The following PTPRH variants were observed in gnomAD, a reference collection of about 807,000 sequenced individuals.
PTPRH encodes protein tyrosine phosphatase receptor type H, also known as receptor-type tyrosine-protein phosphatase H.
PTPRH carries 113 observed loss-of-function variants against 130.2 expected under a neutral mutation model. The ratio of observed to expected loss-of-function variants is 0.87; its 90% CI spans 0.75 to 1.01. The LOEUF is 1.01. Ranked by LOEUF, PTPRH falls within the 50% of genes least tolerant of loss-of-function variation. PTPRH has a pLI of 0.00. For missense variants in PTPRH, 1,430 were observed against 1,425.0 expected (o/e 1.00, Z -0.06); for synonymous variants, 556 against 577.9 (o/e 0.96, Z 0.54).
Position 55,206,932 on chromosome 19 carries a change from T to A in PTPRH, c.109A>T (p.Thr37Ser). 1 of 1,604,280 alleles carries A rather than the reference T, an allele frequency of 6.2e-7. No homozygotes were observed. Among genetic ancestry groups the A allele is most frequent in the Non-Finnish European group, 8.5e-7 (1 of 1,173,574 alleles). Residue 37 changes from threonine (T) to serine (S), a missense_variant, in exon 3 of 20, where the codon ACA becomes TCA. Transcript: ENST00000376350. ...APAPNPGRNLTVETQTTSSIS... is the reference protein window; with the variant it reads ...APAPNPGRNLSVETQTTSSIS... ...GAGCTGGTGGTCTGAGTCTCCACTG[T>A]CAGGTTCCTCCCTGGGTTGGGGGCT...
intron 6 of PTPRH, 44 bp downstream of exon 6, chr19:55,202,012 C>A (rs769823239): frequency 1.2e-6 from 2 of 1,606,652 alleles, no homozygotes; most frequent in Admixed American, 3.4e-5. Context: ...GCTTACTGTC[C>A]CTTAAACAAA....
chr19:55,181,770 T>C lies in PTPRH; in HGVS notation c.3332A>G (p.His1111Arg). The change falls in exon 20 of 20, where the codon CAC (histidine) becomes CGC (arginine). Residue 1111 changes from histidine to arginine, a missense_variant. Coordinates refer to ENST00000376350, the MANE Select transcript of PTPRH (RefSeq NM_002842.5). ...IYENVAAIQA[H>R]KLEV Reference sequence around the variant, plus strand: ...CCTCGTCACTTAGACCTCCAACTTGTGGGCCTGGATGGCGGCCACGTTCTC... The same window carrying C: ...CCTCGTCACTTAGACCTCCAACTTGCGGGCCTGGATGGCGGCCACGTTCTC... 6.2e-7 allele frequency: 1 copy of C among 1,614,130 alleles called. No individual in the cohort carries two copies. The highest frequency in any genetic ancestry group is 8.5e-7 in the Non-Finnish European group (1 of 1,180,024).
At chr19:55,207,094 C>A (rs965932186) in intron 2 of PTPRH, 72 bp downstream of exon 2, 28 of 1,594,740 alleles carry the variant, frequency 1.8e-5, no homozygotes, top group Non-Finnish European at 2.4e-5. Flanking sequence ...CCACGGGGAC[C>A]CCCCAGAGGC....
chr19:55,181,961 C>T lies in PTPRH; in HGVS notation c.3198+55G>A. The stretch of plus-strand genomic sequence containing the variant: ...CCCCAGGTCTGAGCTGCGTGGAGCC[C>T]CAGGGTCCCTCGTCCCACTGCCTCC... On this transcript the variant is annotated intron_variant, in intron 19 of 19. Transcript: ENST00000376350. 6 of 1,613,556 alleles carry T rather than the reference C, an allele frequency of 3.7e-6. No individual in the cohort carries two copies. In the South Asian group the frequency reaches 6.6e-5, roughly 18 times the overall value.
intron 10 of PTPRH, among the ~76,000 whole-genome samples, chr19:55,192,271 G>A (rs1025640175): frequency 2.6e-5 from 4 of 151,776 alleles, no homozygotes; most frequent in Non-Finnish European, 5.9e-5. Context: ...GCGTGGTGGT[G>A]GGCGCCTGTA....
chr19:55,203,819 T>C lies in PTPRH; in HGVS notation c.849A>G (p.Gly283=). ...TGACAATCTCCACAGAGCTATTTAC[T>C]CCGTCTTTCTCCACCCACACAGAAC... ...YTCSVWVEKD[G]VNSSVEIVTS... The change falls in exon 5 of 20, where the codon GGA becomes GGG. Residue 283 remains glycine, a synonymous_variant. Coordinates refer to ENST00000376350, the MANE Select transcript of PTPRH (RefSeq NM_002842.5). 6.2e-7 allele frequency: 1 copy of C among 1,613,290 alleles called. No individual in the cohort carries two copies. The highest frequency in any genetic ancestry group is 8.5e-7 in the Non-Finnish European group (1 of 1,179,280).
chr19:55,191,877 A>C (rs1258711405), intron 10 of PTPRH, 136 bp from the exon 11 acceptor site: 1 of 800,580 alleles, frequency 1.2e-6, no homozygotes, highest in Non-Finnish European at 2.2e-6. Flanking sequence ...CACGGTGTGA[A>C]TTGCGTCGGT....
At chr19:55,195,913 T>C (rs551599049) in intron 10 of PTPRH, among the ~76,000 whole-genome samples, 29 of 151,350 alleles carry the variant, frequency 1.9e-4, no homozygotes, top group African/African-American at 4.1e-4. Context: ...GGCAAATCTA[T>C]AGAGATTGAA....
In PTPRH at chr19:55,185,941, G is replaced by A. The variant is rs1436469272; in HGVS notation, c.2822C>T (p.Thr941Ile). 1.2e-6 allele frequency: 2 copies of A among 1,614,078 alleles called. No homozygotes were observed. The highest frequency in any genetic ancestry group is 1.7e-6 in the Non-Finnish European group (2 of 1,179,968). Residue 941 changes from threonine (T) to isoleucine (I), a missense_variant, in exon 17 of 20, where the codon ACC (threonine) becomes ATC (isoleucine). Coordinates refer to ENST00000376350, the MANE Select transcript of PTPRH (RefSeq NM_002842.5). The part of the protein sequence containing the change: ...HYWPLDSQPC[T>I]HGHLRVTLVG... The stretch of plus-strand genomic sequence containing the variant: ...CAGGGTTACCCGCAGGTGCCCATGG[G>A]TGCAGGGCTGCGAGTCCAGAGGCCA...
rs1468334435 is a variant in PTPRH at position 55,197,246 on chromosome 19, G to C, written c.1861C>G (p.Gln621Glu). The change falls in exon 9 of 20, where the codon CAG becomes GAG. Residue 621 changes from glutamine (Q) to glutamate (E), a missense_variant. Transcript: ENST00000376350. ...GQDPQANWVN[Q>E]TSRTNETWYK... The stretch of plus-strand genomic sequence containing the variant: ...CACGTCTCATTGGTCCTGCTGGTCT[G>C]GTTGACCCAATTCGCTTGGGGATCT... 2 of 1,614,146 alleles carry C rather than the reference G, an allele frequency of 1.2e-6. No individual in the cohort carries two copies. Among genetic ancestry groups the C allele is most frequent in the South Asian group, 2.2e-5 (2 of 91,094 alleles).
In PTPRH at chr19:55,191,558, G is replaced by C; in HGVS notation, c.2337-10C>G. 6.2e-7 allele frequency: 1 copy of C among 1,614,170 alleles called. No homozygotes were observed. The highest frequency in any genetic ancestry group is 8.5e-7 in the Non-Finnish European group (1 of 1,180,006). On this transcript the variant is annotated splice_polypyrimidine_tract_variant and intron_variant, in intron 11 of 19. Coordinates refer to ENST00000376350, the MANE Select transcript of PTPRH (RefSeq NM_002842.5). ...CTGCTTCTTCTTATTCCTGGGAAAAGGACGTTAGGATGAGAGGCTCAGGGG... is the reference window on the plus strand; with the variant it reads ...CTGCTTCTTCTTATTCCTGGGAAAACGACGTTAGGATGAGAGGCTCAGGGG...
In PTPRH at chr19:55,185,617, C is replaced by T. The variant is rs752463388; in HGVS notation, c.2947G>A (p.Ala983Thr). The change falls in exon 18 of 20, where the codon GCC (alanine) becomes ACC (threonine). Residue 983 changes from alanine (A) to threonine (T), a missense_variant. By Grantham distance (58) the Ala-to-Thr change is moderately conservative. Coordinates refer to ENST00000376350, the MANE Select transcript of PTPRH (RefSeq NM_002842.5). ...TLSVRQFHYQ[A>T]WPDHGVPSSP... The stretch of plus-strand genomic sequence containing the variant: ...GAGGGAACGCCGTGATCCGGCCAGG[C>T]CTGGTAGTGGAATTGGCGCACAGAC... The T allele has an allele frequency of 6.2e-7, 1 of 1,614,206 alleles. No homozygotes were observed.
In PTPRH at chr19:55,198,707, G is replaced by A. The variant is rs2086763105; in HGVS notation, c.1626C>T (p.His542=). ...LKELEAGSLY[H]LTVWAERNEV... is the part of the protein sequence containing the mutation. ...CATTCCTCTCGGCCCAGACGGTGAG[G>A]TGGTACAGGCTGCCAGCTTCCAGTT... The change falls in exon 8 of 20, where the codon CAC becomes CAT. Residue 542 remains histidine (H), a synonymous_variant. Transcript: ENST00000376350. The A allele has an allele frequency of 6.2e-7, 1 of 1,614,088 alleles. No individual in the cohort carries two copies. Among genetic ancestry groups the A allele is most frequent in the Non-Finnish European group, 8.5e-7 (1 of 1,179,986 alleles).
In PTPRH at chr19:55,209,148, C is replaced by T. The variant is rs1011801403; in HGVS notation, c.51+235G>A. Reference sequence around the variant, plus strand: ...AAGCTGGTGTCCCCCACAACAGACACGACAATGTCTAAGGGCCCGGGTGAA... The same window carrying T: ...AAGCTGGTGTCCCCCACAACAGACATGACAATGTCTAAGGGCCCGGGTGAA... On this transcript the variant is annotated intron_variant, in intron 1 of 19. Transcript: ENST00000376350. This position sits in a 1 kb window ranked among gnomAD's most constrained non-coding sequence, Gnocchi z 4.1. 2.0e-5 allele frequency among the ~76,000 whole-genome samples: 3 copies of T among 151,626 alleles called. No homozygotes were observed. Among genetic ancestry groups the T allele is most frequent in the South Asian group, 2.1e-4 (1 of 4,794 alleles).
Position 55,185,893 on chromosome 19 carries a change from T to C in PTPRH, c.2870A>G (p.Asn957Ser). 1 of 1,614,158 alleles carries C rather than the reference T, an allele frequency of 6.2e-7. No homozygotes were observed. Among genetic ancestry groups the C allele is most frequent in the African/African-American group, 1.3e-5 (1 of 75,036 alleles). Residue 957 changes from asparagine (N) to serine (S), a missense_variant, in exon 17 of 20, where the codon AAC becomes AGC. Asn to Ser is a conservative substitution (Grantham distance 46, BLOSUM62 1). Coordinates refer to ENST00000376350, the MANE Select transcript of PTPRH (RefSeq NM_002842.5). ...GAGCAGCAGTTCCCGCACCGTCCAGTTCTCCATCACTTCCTCACCTACCAG... is the reference window on the plus strand; with the variant it reads ...GAGCAGCAGTTCCCGCACCGTCCAGCTCTCCATCACTTCCTCACCTACCAG... ...VTLVGEEVME[N>S]WTVRELLLLQ...
rs1023999171 is a variant in PTPRH at position 55,181,686 on chromosome 19, G to A, written c.*68C>T. 1.4e-5 allele frequency: 22 copies of A among 1,592,624 alleles called. No homozygotes were observed. The South Asian group carries it at 1.9e-4, about 14-fold the overall frequency. On this transcript the variant is annotated 3_prime_UTR_variant, in exon 20 of 20. Coordinates refer to ENST00000376350, the MANE Select transcript of PTPRH (RefSeq NM_002842.5). The stretch of plus-strand genomic sequence containing the variant: ...GGAGCCCAGCCCTCTGCTCTTCCAG[G>A]AATCTGGGCTCAAGTGGGTGTCCAG...
chr19:55,204,080 G>A (rs1387814367), intron 4 of PTPRH, 32 bp from the exon 5 acceptor site: 2 of 1,589,980 alleles, frequency 1.3e-6, no homozygotes, highest in South Asian at 1.1e-5. Flanking sequence ...TCTAATATGA[G>A]CAGGACTACA....
Position 55,181,831 on chromosome 19 carries a change from C to A in PTPRH, c.3271G>T (p.Glu1091Ter). 6.2e-7 allele frequency: 1 copy of A among 1,614,206 alleles called. No homozygotes were observed. The highest frequency in any genetic ancestry group is 8.5e-7 in the Non-Finnish European group (1 of 1,180,044). The change falls in exon 20 of 20, where the codon GAA becomes TAA. Residue 1091 changes from glutamate to a stop codon, truncating the protein, a stop_gained. Coordinates refer to ENST00000376350, the MANE Select transcript of PTPRH (RefSeq NM_002842.5). LOFTEE classifies it low-confidence loss of function (END_TRUNC). ...TTTTCGACATCCTCATACGGGACTT[C>A]CTTCTCGGCTGGGGCCTGGGCTGAC... ...QQSAQAPAEK[E>*]VPYEDVENLI...
At chr19:55,183,805 A>G (rs1420355885) in intron 18 of PTPRH, among the ~76,000 whole-genome samples, 1 of 152,140 alleles carries the variant, frequency 6.6e-6, no homozygotes, top group Non-Finnish European at 1.5e-5. Flanking sequence ...TCTACTTGCA[A>G]AACACTTTCA....
Sources: allele counts gnomAD v4.1 joint callset (sites outside exome capture counted in the v4.1 genomes callset), GRCh38; gene constraint gnomAD v4.1.1; non-coding constraint Gnocchi (gnomAD v3.1); transcripts MANE v1.5; gene names NCBI Gene and HGNC (gene_info 2026-07-23, HGNC 2026-07-21).